PMP2: variants seen among roughly 807,000 people sequenced by gnomAD.
PMP2 encodes peripheral myelin protein 2, also known as myelin P2 protein.
A neutral mutation model predicts 15.9 loss-of-function variants in PMP2; 11 were observed. The ratio of observed to expected loss-of-function variants is 0.69; its 90% CI spans 0.44 to 1.14. PMP2 has a LOEUF of 1.14. Ranked by LOEUF, PMP2 falls within the 50% of genes most tolerant of loss-of-function variation. The pLI, the probability that PMP2 is intolerant of heterozygous loss-of-function variation, is 0.00. For missense variants in PMP2, 151 were observed against 154.0 expected (o/e 0.98, Z 0.10); for synonymous variants, 55 against 54.1 (o/e 1.02, Z -0.07).
rs2129708762 is a variant in PMP2 at position 81,445,005 on chromosome 8, G to A, written c.74-16C>T. On this transcript the variant is annotated splice_polypyrimidine_tract_variant and intron_variant, in intron 1 of 3. Coordinates refer to ENST00000256103, the MANE Select transcript of PMP2 (RefSeq NM_002677.5). ...AACCCCACACCTGAAAATTAAGATAGTGTTAGAATTATGTTGACCAAGAGA... is the reference window on the plus strand; with the variant it reads ...AACCCCACACCTGAAAATTAAGATAATGTTAGAATTATGTTGACCAAGAGA... 1 of 1,608,946 alleles carries A rather than the reference G, an allele frequency of 6.2e-7. No individual in the cohort carries two copies. The highest frequency in any genetic ancestry group is 1.1e-5 in the South Asian group (1 of 90,584).
At chr8:81,444,323 T>A (rs754622013) in intron 3 of PMP2, among the ~76,000 whole-genome samples, 177 bp downstream of exon 3, 17 of 152,208 alleles carry the variant, frequency 1.1e-4, no homozygotes, top group Non-Finnish European at 2.2e-4. Context: ...AAATCTTGGG[T>A]CAGTACTTGA....
intron 3 of PMP2, among the ~76,000 whole-genome samples, chr8:81,444,042 A>G (rs1326030021): frequency 1.3e-5 from 2 of 152,154 alleles, no homozygotes; most frequent in Admixed American, 1.3e-4. Flanking sequence ...GAAGTCTCCA[A>G]TGAGCTCAGC....
chr8:81,440,843 T>A lies in PMP2; in HGVS notation c.*2555A>T, dbSNP rs2167255. 4.6e-4 allele frequency: 70 copies of A among 152,134 alleles called. No individual in the cohort carries two copies. The highest frequency in any genetic ancestry group is 1.6e-3 in the African/African-American group (66 of 41,496). 9.4% of individuals were successfully genotyped at this position (152,134 alleles called of 1,614,324 possible). ...GAGTAGATTGCATACATTATGGCCCTTTACCTCAAAATACTTTATTGTGTA... is the reference window on the plus strand; with the variant it reads ...GAGTAGATTGCATACATTATGGCCCATTACCTCAAAATACTTTATTGTGTA... On this transcript the variant is annotated 3_prime_UTR_variant, in exon 4 of 4. Transcript: ENST00000256103.
chr8:81,447,277 G>C (rs374404833), intron 1 of PMP2, 37 bp downstream of exon 1: 13 of 1,503,488 alleles, frequency 8.6e-6, no homozygotes, highest in Non-Finnish European at 1.2e-5. Flanking sequence ...TTCTTAAAAA[G>C]GAGCTTTTCA....
In PMP2 at chr8:81,440,721, T is replaced by A. The variant is rs1246348709; in HGVS notation, c.*2677A>T. The A allele has an allele frequency of 2.0e-5, 3 of 152,232 alleles. No individual in the cohort carries two copies. The highest frequency in any genetic ancestry group is 7.2e-5 in the African/African-American group (3 of 41,472). The allele number at this position is 152,232 out of a possible 1,614,324, so 9.4% of individuals were successfully genotyped here. A position where few individuals can be genotyped will look rare whatever the true frequency, so the allele number is the denominator to read the frequency against. On this transcript the variant is annotated 3_prime_UTR_variant, in exon 4 of 4. Coordinates refer to ENST00000256103, the MANE Select transcript of PMP2 (RefSeq NM_002677.5). ...ATGTGTATCAGATTATTGTTAAATG[T>A]TACCTTATTTGCCTTATCAATTGCT...
At chr8:81,444,454 AT>A (rs1807407226) in intron 3 of PMP2, 45 bp downstream of exon 3, 1 of 1,143,618 alleles carries the variant, frequency 8.7e-7, no homozygotes, top group Non-Finnish European at 1.3e-6. Context: ...TAATCAAATT[AT>A]TTATATAGCA....
intron 3 of PMP2, among the ~76,000 whole-genome samples, 159 bp from the exon 4 acceptor site, chr8:81,443,607 G>T (rs1479754417): frequency 1.3e-5 from 2 of 152,130 alleles, no homozygotes; most frequent in African/African-American, 4.8e-5. Context: ...TATGACCATT[G>T]AAATAGAAGA....
chr8:81,447,203 A>T, intron 1 of PMP2, 111 bp downstream of exon 1: 1 of 748,064 alleles, frequency 1.3e-6, no homozygotes, highest in Non-Finnish European at 2.4e-6. Flanking sequence ...AGAGGATTGT[A>T]CTGCAGCCTT....
chr8:81,443,543 A>T (rs1807394307), intron 3 of PMP2, 95 bp from the exon 4 acceptor site: 3 of 728,332 alleles, frequency 4.1e-6, no homozygotes, highest in South Asian at 1.9e-5. Flanking sequence ...AACTCATAAG[A>T]TTAATTTAGA....
intron 3 of PMP2, 21 bp from the exon 4 acceptor site, chr8:81,443,469 A>G (rs1292840157): frequency 1.3e-6 from 2 of 1,538,832 alleles, no homozygotes; most frequent in Admixed American, 3.6e-5. Context: ...AGAGAGGTTA[A>G]TTGAGTATCT....
chr8:81,444,798 G>T lies in PMP2; in HGVS notation c.246+19C>A. 6.2e-7 allele frequency: 1 copy of T among 1,610,488 alleles called. No homozygotes were observed. Among genetic ancestry groups the T allele is most frequent in the South Asian group, 1.1e-5 (1 of 90,368 alleles). ...AGCAGCCCACTGGGCCAACTTTGAAGAGAAACATTAAAGATTACCTTGGTC... is the reference window on the plus strand; with the variant it reads ...AGCAGCCCACTGGGCCAACTTTGAATAGAAACATTAAAGATTACCTTGGTC... On this transcript the variant is annotated intron_variant, in intron 2 of 3. Transcript: ENST00000256103.
At chr8:81,443,520 G>A in intron 3 of PMP2, 72 bp from the exon 4 acceptor site, 1 of 924,704 alleles carries the variant, frequency 1.1e-6, no homozygotes, top group South Asian at 1.6e-5. Flanking sequence ...AATAAAAATA[G>A]AAATTCAAAA....
At position 81,442,426 on chromosome 8, in the gene PMP2, T is replaced by C. The variant is rs912650785; in HGVS notation, c.*972A>G. Reference sequence around the variant, plus strand: ...TACAAAAAGTCTTGTACAAAAATATTTGTAGCAGCTTTATTCATAGCAGCC... The same window carrying C: ...TACAAAAAGTCTTGTACAAAAATATCTGTAGCAGCTTTATTCATAGCAGCC... On this transcript the variant is annotated 3_prime_UTR_variant, in exon 4 of 4. Coordinates refer to ENST00000256103, the MANE Select transcript of PMP2 (RefSeq NM_002677.5). 7 of 152,690 alleles carry C rather than the reference T, an allele frequency of 4.6e-5. No homozygotes were observed. The East Asian group carries it at 7.7e-4, about 17-fold the overall frequency. The allele number at this position is 152,690 out of a possible 1,614,324, so 9.5% of individuals were successfully genotyped here.
rs1807353195 is a variant in PMP2 at position 81,441,793 on chromosome 8, C to G, written c.*1605G>C. 1 of 151,772 alleles carries G rather than the reference C, an allele frequency of 6.6e-6. No individual in the cohort carries two copies. The highest frequency in any genetic ancestry group is 2.4e-5 in the African/African-American group (1 of 41,310). The allele number at this position is 151,772 out of a possible 1,614,324, so 9.4% of individuals were successfully genotyped here. The stretch of plus-strand genomic sequence containing the variant: ...GGCTCTATGTTTTGGCAATATACCT[C>G]TATTTTTTTTTTTAACATTACTTTC... On this transcript the variant is annotated 3_prime_UTR_variant, in exon 4 of 4. Transcript: ENST00000256103.
rs2129696792 is a variant in PMP2 at position 81,441,984 on chromosome 8, GC to G, written c.*1413del. ...TCTGCTGAGGTGTTTTTGTGTCTAA[GC>G]CATTTTGGCAGATAGGATTAGTAAA... On this transcript the variant is annotated 3_prime_UTR_variant, in exon 4 of 4. Transcript: ENST00000256103. 6.6e-6 allele frequency: 1 copy of G among 152,102 alleles called. No individual in the cohort carries two copies. Among genetic ancestry groups the G allele is most frequent in the East Asian group, 1.9e-4 (1 of 5,174 alleles). The allele number at this position is 152,102 out of a possible 1,614,324, so 9.4% of individuals were successfully genotyped here.
intron 3 of PMP2, 55 bp from the exon 4 acceptor site, chr8:81,443,503 A>T (rs546386085): frequency 4.6e-6 from 5 of 1,093,920 alleles, no homozygotes; most frequent in African/African-American, 1.6e-5. Context: ...GAGAACAGAA[A>T]ATTTGTAATA....
At position 81,441,901 on chromosome 8, in the gene PMP2, T is replaced by C. The variant is rs1426817922; in HGVS notation, c.*1497A>G. On this transcript the variant is annotated 3_prime_UTR_variant, in exon 4 of 4. Coordinates refer to ENST00000256103, the MANE Select transcript of PMP2 (RefSeq NM_002677.5). ...CATCCATTTTTCCAAGTAGCCTTGG[T>C]TCCTTTTAGTGGCAAACTATATTAG... The C allele has an allele frequency of 6.6e-6, 1 of 152,088 alleles. No individual in the cohort carries two copies. The highest frequency in any genetic ancestry group is 2.4e-5 in the African/African-American group (1 of 41,432). 9.4% of individuals were successfully genotyped at this position (152,088 alleles called of 1,614,324 possible).
chr8:81,445,108 T>G, intron 1 of PMP2, 119 bp from the exon 2 acceptor site: 1 of 669,988 alleles, frequency 1.5e-6, no homozygotes, highest in Non-Finnish European at 2.5e-6. Context: ...GTAATATCAC[T>G]TACTACTAAG....
Position 81,444,861 on chromosome 8 carries a change from C to A in PMP2, c.202G>T (p.Gly68Cys). 1 of 1,613,898 alleles carries A rather than the reference C, an allele frequency of 6.2e-7. No homozygotes were observed. Among genetic ancestry groups the A allele is most frequent in the Non-Finnish European group, 8.5e-7 (1 of 1,179,842 alleles). Residue 68 changes from glycine (G) to cysteine (C), a missense_variant, in exon 2 of 4, where the codon GGC becomes TGC. Gly to Cys is a radical substitution (Grantham distance 159, BLOSUM62 -3). Coordinates refer to ENST00000256103, the MANE Select transcript of PMP2 (RefSeq NM_002677.5). ...FKNTEISFKL[G>C]QEFEETTADN... Reference sequence around the variant, plus strand: ...GCTGTGGTTTCTTCAAATTCCTGGCCTAGCTTGAAGGAGATTTCTGTATTT... The same window carrying A: ...GCTGTGGTTTCTTCAAATTCCTGGCATAGCTTGAAGGAGATTTCTGTATTT...
Sources: allele counts gnomAD v4.1 joint callset (sites outside exome capture counted in the v4.1 genomes callset), GRCh38; gene constraint gnomAD v4.1.1; transcripts MANE v1.5; gene names NCBI Gene and HGNC (gene_info 2026-07-23, HGNC 2026-07-21).